The following RIGI variants were observed in gnomAD, a reference collection of about 807,000 sequenced individuals.
RIGI encodes the protein RNA sensor RIG-I, also known as antiviral innate immune response receptor RIG-I.
chr9:32,481,306 G>A, the RIGI span: 2 of 1,599,660 alleles, frequency 1.3e-6, no homozygotes, highest in Non-Finnish European at 8.5e-7. Flanking sequence ...TAGGTGCTGT[G>A]ACCAGAATAC....
the RIGI span, among the ~76,000 whole-genome samples, chr9:32,469,636 G>A: frequency 2.0e-5 from 3 of 152,160 alleles, no homozygotes; most frequent in Non-Finnish European, 4.4e-5. Context: ...TCTGTTAATC[G>A]GGGAAAAGAA....
chr9:32,518,956 C>T, the RIGI span, among the ~76,000 whole-genome samples: 1 of 152,190 alleles, frequency 6.6e-6, no homozygotes, highest in African/African-American at 2.4e-5. Flanking sequence ...GTGATTCACC[C>T]ATCTTGGCCT....
the RIGI span, among the ~76,000 whole-genome samples, chr9:32,511,374 A>G: frequency 1.1e-4 from 16 of 152,010 alleles, no homozygotes; most frequent in African/African-American, 2.9e-4. Flanking sequence ...AACGGAAATC[A>G]TAACAGTCTG....
the RIGI span, chr9:32,489,235 A>G: frequency 1.5e-6 from 1 of 677,396 alleles, no homozygotes; most frequent in South Asian, 2.1e-5. Flanking sequence ...CTCAAAAGAC[A>G]CATGGAACAA....
chr9:32,525,163 G>T, the RIGI span, among the ~76,000 whole-genome samples: 5 of 152,320 alleles, frequency 3.3e-5, no homozygotes, highest in East Asian at 9.7e-4. Flanking sequence ...CTAATAAGAA[G>T]GGCTGTGTAA....
the RIGI span, chr9:32,480,186 A>T: frequency 6.4e-7 from 1 of 1,574,444 alleles, no homozygotes; most frequent in Non-Finnish European, 8.7e-7. Context: ...CAAGAATGCT[A>T]CTGTGGCTTC....
At chr9:32,482,982 G>A in the RIGI span, among the ~76,000 whole-genome samples, 3 of 152,100 alleles carry the variant, frequency 2.0e-5, no homozygotes, top group Non-Finnish European at 4.4e-5. Flanking sequence ...GCCCTCAAAA[G>A]ACACTTATCA....
At chr9:32,509,528 A>C in the RIGI span, among the ~76,000 whole-genome samples, 1 of 152,228 alleles carries the variant, frequency 6.6e-6, no homozygotes, top group East Asian at 1.9e-4. Flanking sequence ...AGGAAAACTA[A>C]CAAACAGGAA....
the RIGI span, chr9:32,472,870 A>G: frequency 1.7e-6 from 1 of 577,962 alleles, no homozygotes; most frequent in Non-Finnish European, 2.5e-6. Context: ...ATTAAAACAG[A>G]ATTTGAAATA....
the RIGI span, among the ~76,000 whole-genome samples, chr9:32,523,361 A>G: frequency 6.6e-6 from 1 of 152,232 alleles, no homozygotes; most frequent in East Asian, 1.9e-4. Context: ...TGTGCAGCCA[A>G]CAATCTGATG....
chr9:32,478,926 T>C, the RIGI span, among the ~76,000 whole-genome samples: 2 of 152,234 alleles, frequency 1.3e-5, no homozygotes, highest in Non-Finnish European at 2.9e-5. Context: ...TAAATTTAGC[T>C]ATTACATTGA....
chr9:32,479,043 A>G, the RIGI span, among the ~76,000 whole-genome samples: 1 of 152,272 alleles, frequency 6.6e-6, no homozygotes, highest in Non-Finnish European at 1.5e-5. Context: ...TCCAACATAC[A>G]CCTTTGTTGT....
the RIGI span, among the ~76,000 whole-genome samples, chr9:32,503,784 C>G: frequency 6.6e-6 from 1 of 152,110 alleles, no homozygotes; most frequent in East Asian, 1.9e-4. Flanking sequence ...GCTCACACCT[C>G]TAATCCCACC....
At chr9:32,524,112 T>A in the RIGI span, among the ~76,000 whole-genome samples, 2 of 152,172 alleles carry the variant, frequency 1.3e-5, no homozygotes, top group African/African-American at 4.8e-5. Flanking sequence ...TCCCAGCTTT[T>A]TTCCATCAAA....
chr9:32,512,052 G>A, the RIGI span, among the ~76,000 whole-genome samples: 1 of 152,056 alleles, frequency 6.6e-6, no homozygotes, highest in African/African-American at 2.4e-5. Context: ...TCCCTGAAGA[G>A]ACCAATAACA....
chr9:32,457,010 A>T, the RIGI span: 57 of 805,378 alleles, frequency 7.1e-5, no homozygotes, highest in Non-Finnish European at 9.2e-5. Flanking sequence ...AGATATTTTT[A>T]AAAAATATAT....
At chr9:32,516,049 T>C in the RIGI span, among the ~76,000 whole-genome samples, 1 of 152,186 alleles carries the variant, frequency 6.6e-6, no homozygotes, top group South Asian at 2.1e-4. Context: ...AATTGACCCT[T>C]CTGGTCTTTA....
At chr9:32,506,407 C>T in the RIGI span, among the ~76,000 whole-genome samples, 1 of 152,180 alleles carries the variant, frequency 6.6e-6, no homozygotes, top group Non-Finnish European at 1.5e-5. Context: ...GAGACAAAAA[C>T]AGACCAAACA....
At chr9:32,496,891 G>T in the RIGI span, among the ~76,000 whole-genome samples, 1 of 152,118 alleles carries the variant, frequency 6.6e-6, no homozygotes. Flanking sequence ...ATTTATTTCT[G>T]GGTGCTCTTT....
Sources: allele counts gnomAD v4.1 joint callset (sites outside exome capture counted in the v4.1 genomes callset), GRCh38; gene constraint gnomAD v4.1.1; transcripts MANE v1.5; gene names NCBI Gene and HGNC (gene_info 2026-07-23, HGNC 2026-07-21).